DPP3: variants seen among roughly 807,000 people sequenced by gnomAD.
The protein encoded by DPP3 is dipeptidyl peptidase 3.
In DPP3, 64 loss-of-function variants were observed where a neutral mutation model predicts 89.8. The observed-to-expected ratio is 0.71, with a 90% CI of 0.58 to 0.88. The LOEUF (loss-of-function observed/expected upper bound fraction) is 0.88, where lower values mean the gene tolerates loss of function less well. DPP3 is among the 40% of genes least tolerant of loss of function. DPP3 has a pLI of 0.00. For synonymous variants in DPP3, 377 were observed against 404.3 expected (o/e 0.93, Z 0.81); for missense variants, 835 against 972.5 (o/e 0.86, Z 1.88).
At chr11:66,507,195 C>T (rs760416957) in intron 17 of DPP3, among the ~76,000 whole-genome samples, 3 of 151,956 alleles carry the variant, frequency 2.0e-5, no homozygotes, top group African/African-American at 7.3e-5. Context: ...GGGCCGGGCG[C>T]GGTGACTCAC....
chr11:66,509,177 A>G lies in DPP3; in HGVS notation c.2140A>G (p.Ile714Val). 1 of 1,613,994 alleles carries G rather than the reference A, an allele frequency of 6.2e-7. No homozygotes were observed. Residue 714 changes from isoleucine to valine, a missense_variant, in exon 18 of 18, where the codon ATC (isoleucine) becomes GTC (valine). Physicochemically the swap from Ile to Val is conservative, Grantham distance 29 (BLOSUM62 3). Coordinates refer to ENST00000531863, the MANE Select transcript of DPP3 (RefSeq NM_130443.4). ...AGAGGATGGACCCGAGTTGGAGGAGATCCTCACACAGCTGGCCACAGCCGA... is the reference window on the plus strand; with the variant it reads ...AGAGGATGGACCCGAGTTGGAGGAGGTCCTCACACAGCTGGCCACAGCCGA... ...FPEDGPELEE[I>V]LTQLATADAR... is the part of the protein sequence containing the mutation.
At chr11:66,505,830 A>G (rs1855786434) in intron 17 of DPP3, among the ~76,000 whole-genome samples, 1 of 151,310 alleles carries the variant, frequency 6.6e-6, no homozygotes, top group Non-Finnish European at 1.5e-5. Flanking sequence ...AAAAAAAAAA[A>G]GCATTGTCCT....
At chr11:66,503,266 C>G (rs1855724021) in intron 16 of DPP3, among the ~76,000 whole-genome samples, 1 of 152,154 alleles carries the variant, frequency 6.6e-6, no homozygotes, top group Non-Finnish European at 1.5e-5. Flanking sequence ...CGTGCCCAGC[C>G]AGAAATGTTT....
At position 66,493,197 on chromosome 11, in the gene DPP3, G is replaced by A. The variant is rs1370191396; in HGVS notation, c.1296+18G>A. ...ATGACAAGGTGGGCGCCAGCAGTCG[G>A]AGGGTCGGGGCTGGGCCTCACCTTC... On this transcript the variant is annotated intron_variant, in intron 11 of 17. Transcript: ENST00000531863. The A allele has an allele frequency of 1.2e-6, 2 of 1,607,490 alleles. No homozygotes were observed. Among genetic ancestry groups the A allele is most frequent in the African/African-American group, 2.7e-5 (2 of 74,844 alleles).
At chr11:66,482,548 T>C in intron 2 of DPP3, 78 bp downstream of exon 2, 1 of 1,558,494 alleles carries the variant, frequency 6.4e-7, no homozygotes, top group Non-Finnish European at 8.7e-7. Context: ...GTCTGTCTCT[T>C]TCAAGGGGTA....
intron 16 of DPP3, among the ~76,000 whole-genome samples, chr11:66,497,799 G>A (rs1459691284): frequency 4.0e-5 from 6 of 151,858 alleles, no homozygotes; most frequent in Non-Finnish European, 5.9e-5. Context: ...GCGGAAGTGG[G>A]AGGATCACTT....
At chr11:66,493,217 A>G (rs1332195956) in intron 11 of DPP3, 38 bp downstream of exon 11, 3 of 1,562,022 alleles carry the variant, frequency 1.9e-6, no homozygotes, top group Admixed American at 1.7e-5. Flanking sequence ...GCTGGGCCTC[A>G]CCTTCCTCAG....
chr11:66,499,094 G>A (rs1855616894), intron 16 of DPP3, among the ~76,000 whole-genome samples: 1 of 152,212 alleles, frequency 6.6e-6, no homozygotes, highest in Admixed American at 6.5e-5. Context: ...TGGGCGCGGT[G>A]GCTCACGCCT....
At chr11:66,491,161 A>G in intron 6 of DPP3, 92 bp from the exon 7 acceptor site, 9 of 1,571,194 alleles carry the variant, frequency 5.7e-6, no homozygotes, top group Non-Finnish European at 4.3e-6. Flanking sequence ...TGCTATGGGG[A>G]AAAGCCGGCT....
chr11:66,491,424 C>T, intron 7 of DPP3, 41 bp downstream of exon 7: 1 of 1,606,052 alleles, frequency 6.2e-7, no homozygotes, highest in Non-Finnish European at 8.5e-7. Flanking sequence ...GCTGAGGACC[C>T]CTCTGGGCAG....
intron 17 of DPP3, among the ~76,000 whole-genome samples, chr11:66,505,486 G>C (rs1164152887): frequency 9.2e-5 from 14 of 152,186 alleles, no homozygotes; most frequent in Admixed American, 9.2e-4. Flanking sequence ...AGGCAGTGTG[G>C]ACTGCTTGCT....
Position 66,493,523 on chromosome 11 carries a change from C to G in DPP3, c.1297-18C>G. 6.2e-7 allele frequency: 1 copy of G among 1,612,026 alleles called. No homozygotes were observed. The highest frequency in any genetic ancestry group is 2.2e-5 in the East Asian group (1 of 44,874). ...GGGCTGGCCAGTGGACAGCGCGGGTCTCTGCTTGTCTTGGCAGGACCTGTA... is the reference window on the plus strand; with the variant it reads ...GGGCTGGCCAGTGGACAGCGCGGGTGTCTGCTTGTCTTGGCAGGACCTGTA... On this transcript the variant is annotated intron_variant, in intron 11 of 17. Transcript: ENST00000531863.
rs912409689 is a variant in DPP3, at chr11:66,495,673, G to A, written c.1621G>A (p.Val541Met). Residue 541 changes from valine to methionine, a missense_variant, in exon 15 of 18, where the codon GTG becomes ATG. Physicochemically the swap from Val to Met is conservative, Grantham distance 21. Coordinates refer to ENST00000531863, the MANE Select transcript of DPP3 (RefSeq NM_130443.4). The stretch of plus-strand genomic sequence containing the variant: ...GGCTGATGCGGAGGACGTGATCTAC[G>A]TGAACTGGCTCAACATGGTTCGGGC... ...EGADAEDVIY[V>M]NWLNMVRAGL... 6 of 1,614,008 alleles carry A rather than the reference G, an allele frequency of 3.7e-6. No individual in the cohort carries two copies. The highest frequency in any genetic ancestry group is 1.7e-5 in the Admixed American group (1 of 60,002).
chr11:66,489,775 G>C (rs76471132), intron 6 of DPP3, among the ~76,000 whole-genome samples: 3,377 of 152,298 alleles, frequency 0.022, 134 homozygotes, highest in African/African-American at 0.077. Context: ...CCCCAGGCTT[G>C]TTGACTCACA....
chr11:66,492,615 G>A (rs1855420853), intron 9 of DPP3, 101 bp from the exon 10 acceptor site: 2 of 1,369,344 alleles, frequency 1.5e-6, no homozygotes, highest in Non-Finnish European at 2.0e-6. Flanking sequence ...CAGGGTGACT[G>A]CATACAGTAG....
At chr11:66,488,208 G>A (rs1392645011) in intron 6 of DPP3, among the ~76,000 whole-genome samples, 1 of 152,216 alleles carries the variant, frequency 6.6e-6, no homozygotes, top group Admixed American at 6.5e-5. Context: ...GGGCTGGCAA[G>A]GGACAGGTCT....
Position 66,491,480 on chromosome 11 carries a change from C to T in DPP3, c.799-14C>T. ...GTGGGTGGCCCGAGGCTGACCGACC[C>T]CCGCTCACCTCAGGCCTATGCAGCC... On this transcript the variant is annotated splice_polypyrimidine_tract_variant and intron_variant, in intron 7 of 17. Coordinates refer to ENST00000531863, the MANE Select transcript of DPP3 (RefSeq NM_130443.4). 1 of 1,598,704 alleles carries T rather than the reference C, an allele frequency of 6.3e-7. No individual in the cohort carries two copies. The highest frequency in any genetic ancestry group is 1.1e-5 in the South Asian group (1 of 90,036).
chr11:66,504,716 G>C lies in DPP3; in HGVS notation c.1983G>C (p.Thr661=). 6.2e-7 allele frequency: 1 copy of C among 1,613,140 alleles called. No homozygotes were observed. The change falls in exon 17 of 18, where the codon ACG becomes ACC. Residue 661 remains threonine, a synonymous_variant. Transcript: ENST00000531863. Reference sequence around the variant, plus strand: ...AGTGCTTCCTCACCCTCAGGGACACGGTGCTGCTGCGTAAGGAATCTCGGA... The same window carrying C: ...AGTGCTTCCTCACCCTCAGGGACACCGTGCTGCTGCGTAAGGAATCTCGGA... The part of the protein sequence containing the change: ...PPECFLTLRD[T]VLLRKESRKL...
intron 12 of DPP3, among the ~76,000 whole-genome samples, 167 bp downstream of exon 12, chr11:66,493,800 A>T (rs1855460475): frequency 6.6e-6 from 1 of 152,150 alleles, no homozygotes; most frequent in African/African-American, 2.4e-5. Context: ...CTCCCTCAAG[A>T]TGTCCCAGGA....
Sources: allele counts gnomAD v4.1 joint callset (sites outside exome capture counted in the v4.1 genomes callset), GRCh38; gene constraint gnomAD v4.1.1; transcripts MANE v1.5; gene names NCBI Gene and HGNC (gene_info 2026-07-23, HGNC 2026-07-21).